FAAH2: variants seen among roughly 807,000 people sequenced by gnomAD.
The protein encoded by FAAH2 is fatty acid amide hydrolase 2.
In FAAH2, 60 loss-of-function variants were observed where a neutral mutation model predicts 36.9. The observed-to-expected ratio is 1.63, with a 90% CI of 1.32 to 2.02. The LOEUF (loss-of-function observed/expected upper bound fraction) is 2.02. FAAH2 is among the 30% of genes most tolerant of loss of function. FAAH2 has a pLI of 0.00. For synonymous variants in FAAH2, 214 were observed against 143.8 expected, an observed-to-expected ratio of 1.49 and a Z score of -3.49; for missense variants, 689 against 397.5, an observed-to-expected ratio of 1.73 and a Z score of -6.23.
At chrX:57,258,002 A>T in the FAAH2 span, among the ~76,000 whole-genome samples, 1 of 111,946 alleles carries the variant, frequency 8.9e-6, no homozygotes, top group East Asian at 2.8e-4. Flanking sequence ...ATTTTGAACA[A>T]GAATAACATA....
chrX:57,457,262 A>C (rs1430031448), intron 10 of FAAH2, among the ~76,000 whole-genome samples: 1 of 111,663 alleles, frequency 9.0e-6, no homozygotes, highest in African/African-American at 3.3e-5. Flanking sequence ...CTTAATGACA[A>C]AAGCCCTCAA....
At chrX:57,212,984 G>A in the FAAH2 span, among the ~76,000 whole-genome samples, 1 of 111,273 alleles carries the variant, frequency 9.0e-6, no homozygotes, top group East Asian at 2.8e-4. Flanking sequence ...GTTTTGGGGA[G>A]GGGTTGTTTT....
At chrX:57,401,880 G>C (rs2055444578) in intron 7 of FAAH2, among the ~76,000 whole-genome samples, 1 of 111,251 alleles carries the variant, frequency 9.0e-6, no homozygotes, top group Admixed American at 9.5e-5. Context: ...CCCTAACAAG[G>C]GAGTGGGGCT....
chrX:57,240,628 G>A, the FAAH2 span, among the ~76,000 whole-genome samples: 3 of 112,403 alleles, frequency 2.7e-5, no homozygotes, highest in African/African-American at 6.5e-5. Flanking sequence ...GCACATGTGT[G>A]CACACCACCA....
the FAAH2 span, among the ~76,000 whole-genome samples, chrX:57,245,169 C>T: frequency 8.9e-6 from 1 of 111,879 alleles, no homozygotes; most frequent in Non-Finnish European, 1.9e-5. Flanking sequence ...ATCAATGCAA[C>T]AAGAAGAGCT....
intron 10 of FAAH2, among the ~76,000 whole-genome samples, chrX:57,467,705 A>T (rs184345961): frequency 2.0e-4 from 22 of 111,673 alleles, no homozygotes; most frequent in Admixed American, 6.6e-4. Flanking sequence ...GGCAGCAGAA[A>T]CCTCTGCAGA....
At chrX:57,232,667 G>C in the FAAH2 span, among the ~76,000 whole-genome samples, 1 of 111,639 alleles carries the variant, frequency 9.0e-6, no homozygotes, top group Non-Finnish European at 1.9e-5. Context: ...ATATTCCTTT[G>C]CCAGTTTATA....
chrX:57,442,072 T>G (rs993049316), intron 8 of FAAH2, among the ~76,000 whole-genome samples: 2 of 111,589 alleles, frequency 1.8e-5, no homozygotes, highest in African/African-American at 3.3e-5. Context: ...GTGCTGAGAA[T>G]AATGTATATT....
chrX:57,175,687 G>A, the FAAH2 span, among the ~76,000 whole-genome samples: 1 of 111,402 alleles, frequency 9.0e-6, no homozygotes, highest in Admixed American at 9.6e-5. Context: ...ATTTACAAGA[G>A]GTTCTATTCT....
chrX:57,431,802 TCCA>T lies in FAAH2; in HGVS notation c.997-115_997-113del, dbSNP rs1239761029. 7.1e-6 allele frequency: 4 copies of T among 560,317 alleles called. No individual in the cohort carries two copies. In the African/African-American group the frequency reaches 7.4e-5, roughly 10 times the overall value. 46.2% of individuals were successfully genotyped at this position (560,317 alleles called of 1,213,427 possible). A position where few individuals can be genotyped will look rare whatever the true frequency, so the allele number is the denominator to read the frequency against. On this transcript the variant is annotated intron_variant, in intron 7 of 10. Transcript: ENST00000374900. ...TTGTTTTTTTGTTTTTTTTGGTGTT[TCCA>T]TGGGGCAATGAGGGCCTGGCGCTTT... is the stretch of plus-strand genomic sequence containing the variant.
At chrX:57,422,055 G>T (rs1025061028) in intron 7 of FAAH2, among the ~76,000 whole-genome samples, 2 of 111,145 alleles carry the variant, frequency 1.8e-5, no homozygotes, top group African/African-American at 6.6e-5. Context: ...AACTGCTTCC[G>T]GCTGTCTTTA....
the FAAH2 span, among the ~76,000 whole-genome samples, chrX:57,201,659 C>A: frequency 1.8e-5 from 2 of 111,110 alleles, no homozygotes; most frequent in East Asian, 2.8e-4. Flanking sequence ...TTTTTTATAA[C>A]CTTCTTGGAT....
the FAAH2 span, among the ~76,000 whole-genome samples, chrX:57,236,101 C>T: frequency 1.8e-5 from 2 of 112,055 alleles, no homozygotes; most frequent in East Asian, 5.6e-4. Flanking sequence ...CTGTAGTTTT[C>T]TTTCTGTGCC....
chrX:57,301,812 T>TTAA (rs1211429913), intron 2 of FAAH2, among the ~76,000 whole-genome samples: 2 of 111,486 alleles, frequency 1.8e-5, no homozygotes, highest in East Asian at 2.8e-4. Context: ...GACCATATCT[T>TTAA]TTTAATCTTA....
At chrX:57,384,523 C>G (rs1337915223) in intron 7 of FAAH2, among the ~76,000 whole-genome samples, 1 of 110,636 alleles carries the variant, frequency 9.0e-6, no homozygotes, top group Non-Finnish European at 1.9e-5. Context: ...AGGATATGAA[C>G]AGACACTTCT....
chrX:57,258,693 A>C, the FAAH2 span, among the ~76,000 whole-genome samples: 1 of 103,177 alleles, frequency 9.7e-6, no homozygotes, highest in Non-Finnish European at 1.9e-5. Flanking sequence ...TGACTATAAA[A>C]AGGTTTTTTT....
At position 57,286,947 on chromosome X, in the gene FAAH2, C is replaced by G; in HGVS notation, c.122C>G (p.Pro41Arg). Residue 41 changes from proline to arginine, a missense_variant, in exon 1 of 11, where the codon CCT (proline) becomes CGT (arginine). Transcript: ENST00000374900. ...LGGPKFASKTPRPVTEPLLLL... is the reference protein window; with the variant it reads ...LGGPKFASKTRRPVTEPLLLL... ...GGTCCAAAGTTTGCCTCAAAGACCC[C>G]TCGGCCGGTGACTGAACCATTGCTT... The G allele has an allele frequency of 8.3e-7, 1 of 1,204,407 alleles. No individual in the cohort carries two copies. Among genetic ancestry groups the G allele is most frequent in the South Asian group, 1.8e-5 (1 of 55,569 alleles).
intron 5 of FAAH2, among the ~76,000 whole-genome samples, chrX:57,350,229 G>C (rs1157435413): frequency 9.0e-6 from 1 of 111,001 alleles, no homozygotes; most frequent in Non-Finnish European, 1.9e-5. Context: ...GTCACGATTA[G>C]ATTGGCCCTA....
the FAAH2 span, among the ~76,000 whole-genome samples, chrX:57,154,368 A>T: frequency 9.4e-6 from 1 of 106,670 alleles, no homozygotes; most frequent in Non-Finnish European, 1.9e-5. Flanking sequence ...AGTTCAAGCA[A>T]TTCTCTTGCC....
Sources: allele counts gnomAD v4.1 joint callset (sites outside exome capture counted in the v4.1 genomes callset), GRCh38; gene constraint gnomAD v4.1.1; transcripts MANE v1.5; gene names NCBI Gene and HGNC (gene_info 2026-07-23, HGNC 2026-07-21).